COL6A5: variants seen among roughly 807,000 people sequenced by gnomAD.
The protein encoded by COL6A5 is collagen alpha-5(VI) chain.
A neutral mutation model predicts 65.6 loss-of-function variants in COL6A5; 48 were observed. That is an observed-to-expected ratio of 0.73 (90% CI 0.58 to 0.93). The LOEUF (loss-of-function observed/expected upper bound fraction) is 0.93, where lower values mean the gene tolerates loss of function less well. COL6A5 is among the 40% of genes least tolerant of loss of function. COL6A5 has a pLI of 0.00. For synonymous variants in COL6A5, 291 were observed against 322.8 expected (o/e 0.90, Z 1.05); for missense variants, 914 against 928.3 (o/e 0.98, Z 0.20).
rs551788488 is a variant in COL6A5, at chr3:130,374,823, G to A, written c.67+1118G>A. Among the ~76,000 whole-genome samples, 23 of 152,208 alleles carry A rather than the reference G, an allele frequency of 1.5e-4. No homozygotes were observed. In the South Asian group the frequency reaches 3.9e-3, roughly 26 times the overall value. ...TTGTTGACTGAAATGTCATTATGTC[G>A]TTGTGAAGCACACGACTGTGTGAGT... On this transcript the variant is annotated intron_variant and NMD_transcript_variant, in intron 2 of 41. Transcript: ENST00000312481.
In COL6A5 at chr3:130,459,169, C is replaced by T. The variant is rs114814883; in HGVS notation, c.1544+3503C>T. Among the ~76,000 whole-genome samples the T allele has an allele frequency of 4.3e-3, 650 of 152,174 alleles. 7 individuals are homozygous for T. The highest frequency in any genetic ancestry group is 0.015 in the African/African-American group (622 of 41,540). ...CTCCTAGCTTTAAGCAGCCCCAGGCCTTAGGATAACTTCAACTGATGTTCG... is the reference window on the plus strand; with the variant it reads ...CTCCTAGCTTTAAGCAGCCCCAGGCTTTAGGATAACTTCAACTGATGTTCG... On this transcript the variant is annotated intron_variant, in intron 5 of 7. Coordinates refer to ENST00000512836, the Ensembl canonical transcript of COL6A5.
rs574880614 is a variant in COL6A5, at chr3:130,377,389, C to T, written c.667+553C>T. 2.7e-4 allele frequency among the ~76,000 whole-genome samples: 41 copies of T among 152,332 alleles called. 1 individual carries two copies. The South Asian group carries it at 8.3e-3, about 31-fold the overall frequency. ...ATCACTGTCTATTCTCTTTCCTTCA[C>T]CATCTTGTTACAGTATGAGACTCAC... On this transcript the variant is annotated intron_variant and NMD_transcript_variant, in intron 3 of 41. Transcript: ENST00000312481.
intron 8 of COL6A5, among the ~76,000 whole-genome samples, chr3:130,396,094 A>G (rs186819339): frequency 6.6e-6 from 1 of 152,320 alleles, no homozygotes; most frequent in Non-Finnish European, 1.5e-5. Flanking sequence ...GAACTGAAAA[A>G]CAATGATGCA....
At chr3:130,475,428 A>T (rs1710069377) in intron 7 of COL6A5, among the ~76,000 whole-genome samples, 1 of 152,284 alleles carries the variant, frequency 6.6e-6, no homozygotes, top group Non-Finnish European at 1.5e-5. Flanking sequence ...ATCAGAAACC[A>T]TGAAGGCTAG....
chr3:130,408,559 C>G (rs902374268), intron 17 of COL6A5, among the ~76,000 whole-genome samples: 15 of 152,178 alleles, frequency 9.9e-5, no homozygotes, highest in African/African-American at 3.6e-4. Flanking sequence ...CTCTGTCTCT[C>G]TGCCCTTGTG....
intron 4 of COL6A5, among the ~76,000 whole-genome samples, chr3:130,382,809 T>C (rs547107693): frequency 1.3e-5 from 2 of 152,110 alleles, no homozygotes; most frequent in Non-Finnish European, 2.9e-5. Flanking sequence ...AAATTCACAT[T>C]AACCAAACTC....
intron 4 of COL6A5, among the ~76,000 whole-genome samples, chr3:130,447,683 T>A (rs878876432): frequency 1.3e-5 from 2 of 152,296 alleles, no homozygotes; most frequent in Admixed American, 1.3e-4. Flanking sequence ...GTTTCTATAT[T>A]TTTAGTGGCA....
chr3:130,403,573 GGT>G (rs1229457842), intron 12 of COL6A5, 34 bp from the exon 13 acceptor site: 28 of 1,525,076 alleles, frequency 1.8e-5, no homozygotes, highest in Non-Finnish European at 2.3e-5. Flanking sequence ...ATTGGGGGGG[GGT>G]GACTAAAATG....
At chr3:130,477,890 C>A (rs905386018) in intron 7 of COL6A5, among the ~76,000 whole-genome samples, 1 of 151,980 alleles carries the variant, frequency 6.6e-6, no homozygotes, top group African/African-American at 2.4e-5. Context: ...ATATTAAATT[C>A]TATTAATATT....
At position 130,471,215 on chromosome 3, in the gene COL6A5, G is replaced by A. The variant is rs538371158; in HGVS notation, c.2328+248G>A. Among the ~76,000 whole-genome samples, 22 of 151,988 alleles carry A rather than the reference G, an allele frequency of 1.4e-4. No individual in the cohort carries two copies. The South Asian group carries it at 4.6e-3, about 32-fold the overall frequency. Reference sequence around the variant, plus strand: ...ATTTCTGTTTCTTTTACCAAAAGTAGCCTCCTATTAGTAACTTCTCAGTAA... The same window carrying A: ...ATTTCTGTTTCTTTTACCAAAAGTAACCTCCTATTAGTAACTTCTCAGTAA... On this transcript the variant is annotated intron_variant, in intron 7 of 7. Transcript: ENST00000512836.
intron 1 of COL6A5, among the ~76,000 whole-genome samples, chr3:130,438,775 C>G (rs1018476558): frequency 6.6e-6 from 1 of 152,120 alleles, no homozygotes; most frequent in African/African-American, 2.4e-5. Context: ...ATAAAAGTAT[C>G]TGTTTTGCAT....
At chr3:130,372,073 T>C (rs1449066088) in intron 1 of COL6A5, among the ~76,000 whole-genome samples, 1 of 152,122 alleles carries the variant, frequency 6.6e-6, no homozygotes, top group African/African-American at 2.4e-5. Flanking sequence ...GGCCATTAAG[T>C]ACCTGAAAAG....
Position 130,373,309 on chromosome 3 carries a change from A to G in COL6A5, c.-28-302A>G, listed in dbSNP as rs1344188620. Among the ~76,000 whole-genome samples, 3 of 152,250 alleles carry G rather than the reference A, an allele frequency of 2.0e-5. No individual in the cohort carries two copies. In the East Asian group the frequency reaches 5.8e-4, roughly 29 times the overall value. On this transcript the variant is annotated intron_variant and NMD_transcript_variant, in intron 1 of 41. Coordinates refer to the COL6A5 transcript ENST00000312481. ...CTCTTACCAAGCCATTTGGTGCTTCAGTTTCCTTTTCTGTCACATAAGTGT... is the reference window on the plus strand; with the variant it reads ...CTCTTACCAAGCCATTTGGTGCTTCGGTTTCCTTTTCTGTCACATAAGTGT...
intron 4 of COL6A5, among the ~76,000 whole-genome samples, chr3:130,452,391 A>G (rs932545272): frequency 1.3e-5 from 2 of 152,142 alleles, no homozygotes; most frequent in Non-Finnish European, 2.9e-5. Context: ...AGCATGCACC[A>G]GTTTGAGAAA....
At chr3:130,350,309 G>C (rs961523887) in intron 1 of COL6A5, among the ~76,000 whole-genome samples, 1 of 152,162 alleles carries the variant, frequency 6.6e-6, no homozygotes, top group African/African-American at 2.4e-5. Flanking sequence ...GTTCTAGCCA[G>C]GGCAATCAGG....
chr3:130,386,391 A>C (rs1186149008), intron 5 of COL6A5, among the ~76,000 whole-genome samples: 1 of 152,086 alleles, frequency 6.6e-6, no homozygotes, highest in Non-Finnish European at 1.5e-5. Flanking sequence ...TAAGGTGTTC[A>C]CCGATGAGGA....
rs867002938 is a variant in COL6A5 at position 130,440,628 on chromosome 3, T to C, written c.1046T>C (p.Val349Ala). 5 of 1,613,294 alleles carry C rather than the reference T, an allele frequency of 3.1e-6. No homozygotes were observed. The African/African-American group carries it at 6.7e-5, about 22-fold the overall frequency. ...GAAAATTATGAGAGAAAAGAATTTG[T>C]AAAAATGATGGCTTTGAGGGCTAAG... The change falls in exon 3 of 8, where the codon GTA becomes GCA. Residue 349 changes from valine (V) to alanine (A), a missense_variant. Transcript: ENST00000512836.
At chr3:130,398,320 T>C (rs1936687762) in intron 10 of COL6A5, among the ~76,000 whole-genome samples, 1 of 151,928 alleles carries the variant, frequency 6.6e-6, no homozygotes, top group South Asian at 2.1e-4. Context: ...TTAGTAGAGA[T>C]GGGGTTTCAC....
exon 6 of COL6A5, chr3:130,388,970 T>G: frequency 6.5e-7 from 1 of 1,548,448 alleles, no homozygotes; most frequent in Non-Finnish European, 8.7e-7. Context: ...GCTAGAATTC[T>G]TCGGGGCAAA....
Sources: allele counts gnomAD v4.1 joint callset (sites outside exome capture counted in the v4.1 genomes callset), GRCh38; gene constraint gnomAD v4.1.1; transcripts MANE v1.5; gene names NCBI Gene and HGNC (gene_info 2026-07-23, HGNC 2026-07-21).